Variants in ASTN2 observed in about 807,000 individuals in gnomAD.
ASTN2 encodes the protein astrotactin-2.
In ASTN2, 54 loss-of-function variants were observed where a neutral mutation model predicts 139.8. That is an observed-to-expected ratio of 0.39 (90% confidence interval 0.31 to 0.48). ASTN2 has a LOEUF of 0.48. ASTN2 is among the 20% of genes least tolerant of loss of function. The pLI is 0.95. For missense variants in ASTN2, 1,565 were observed against 1,725.1 expected, an observed-to-expected ratio of 0.91 and a Z score of 1.64; for synonymous variants, 756 against 719.5, an observed-to-expected ratio of 1.05 and a Z score of -0.81.
At chr9:116,771,331 T>A (rs564970833) in intron 13 of ASTN2, among the ~76,000 whole-genome samples, 1 of 152,180 alleles carries the variant, frequency 6.6e-6, no homozygotes, top group South Asian at 2.1e-4. Flanking sequence ...ATTTTTCAGC[T>A]GTCAGTGGAG....
chr9:117,032,729 A>G (rs7042470), intron 6 of ASTN2, among the ~76,000 whole-genome samples: 151,045 of 152,246 alleles, frequency 0.99, 74,939 homozygotes, highest in Middle Eastern at 1. Context: ...ATAAATGTAG[A>G]CAAGTGTTAT....
At chr9:117,188,184 G>GAA (rs1218397796) in intron 3 of ASTN2, among the ~76,000 whole-genome samples, 2 of 66,820 alleles carry the variant, frequency 3.0e-5, no homozygotes, top group Admixed American at 1.6e-4. Flanking sequence ...GAGAGAGAGA[G>GAA]AGAGAGAGAC....
intron 10 of ASTN2, among the ~76,000 whole-genome samples, chr9:116,971,735 G>A (rs747436764): frequency 1.3e-5 from 2 of 152,184 alleles, no homozygotes; most frequent in Non-Finnish European, 2.9e-5. Context: ...AAGCCACTAT[G>A]TTACAATAAT....
intron 19 of ASTN2, among the ~76,000 whole-genome samples, chr9:116,608,972 G>C (rs1855363392): frequency 6.6e-6 from 1 of 152,024 alleles, no homozygotes; most frequent in Admixed American, 6.6e-5. Context: ...ATGCTGGATG[G>C]GATGAACAAT....
chr9:116,839,018 C>T (rs1176603122), intron 11 of ASTN2, among the ~76,000 whole-genome samples: 2 of 152,140 alleles, frequency 1.3e-5, no homozygotes, highest in East Asian at 3.8e-4. Flanking sequence ...CCTCCAAGGA[C>T]TAGGTAAGTA....
intron 17 of ASTN2, among the ~76,000 whole-genome samples, chr9:116,642,550 C>A (rs886161741): frequency 6.6e-6 from 1 of 152,108 alleles, no homozygotes; most frequent in Non-Finnish European, 1.5e-5. Context: ...TACCCCCCAT[C>A]TAACTGACAC....
intron 13 of ASTN2, among the ~76,000 whole-genome samples, chr9:116,771,646 A>C (rs1262852158): frequency 3.3e-5 from 5 of 152,184 alleles, no homozygotes; most frequent in Non-Finnish European, 5.9e-5. Flanking sequence ...ATTATCTGAA[A>C]TTACCTACTT....
intron 7 of ASTN2, among the ~76,000 whole-genome samples, chr9:116,990,586 T>C (rs1836825055): frequency 6.6e-6 from 1 of 152,146 alleles, no homozygotes; most frequent in Non-Finnish European, 1.5e-5. Flanking sequence ...TAGAGTTCTT[T>C]AATTTTCCTT....
intron 5 of ASTN2, among the ~76,000 whole-genome samples, chr9:117,056,118 A>G (rs1053035256): frequency 5.3e-5 from 8 of 152,174 alleles, no homozygotes; most frequent in Admixed American, 3.9e-4. Flanking sequence ...GCTTGAGGTG[A>G]TTGCAGCTCT....
At chr9:116,689,824 A>C (rs1404323782) in intron 16 of ASTN2, among the ~76,000 whole-genome samples, 2 of 152,160 alleles carry the variant, frequency 1.3e-5, no homozygotes, top group Non-Finnish European at 2.9e-5. Context: ...TGAGGTTATC[A>C]GGCAGGATGA....
chr9:117,275,739 T>C (rs1360574913), intron 2 of ASTN2, among the ~76,000 whole-genome samples: 2 of 152,078 alleles, frequency 1.3e-5, no homozygotes, highest in African/African-American at 2.4e-5. Context: ...CTAATTTTTG[T>C]ATTTTTAGTA....
intron 6 of ASTN2, among the ~76,000 whole-genome samples, chr9:117,016,724 T>C (rs867486349): frequency 7.0e-6 from 1 of 142,564 alleles, no homozygotes. Context: ...TATATATATA[T>C]GTTATATATA....
At chr9:117,124,371 C>T (rs935654826) in intron 4 of ASTN2, among the ~76,000 whole-genome samples, 1 of 152,104 alleles carries the variant, frequency 6.6e-6, no homozygotes, top group African/African-American at 2.4e-5. Flanking sequence ...AGCCTTTAAA[C>T]AGTATTTGCC....
rs1829908055 is a variant in ASTN2, at chr9:117,368,573, A to G, written c.442+45924T>C. On this transcript the variant is annotated intron_variant, in intron 1 of 22. Transcript: ENST00000313400. ...GTAACAGGTGAGTTTTTCCATTATC[A>G]TTGAGTTAACACACAGGGGTGAGAG... Among the ~76,000 whole-genome samples, 4 of 152,200 alleles carry G rather than the reference A, an allele frequency of 2.6e-5. No homozygotes were observed. The South Asian group carries it at 8.3e-4, about 32-fold the overall frequency.
chr9:116,730,011 T>C (rs1406506890), intron 14 of ASTN2, among the ~76,000 whole-genome samples: 1 of 152,188 alleles, frequency 6.6e-6, no homozygotes, highest in Non-Finnish European at 1.5e-5. Flanking sequence ...CTTTGGGCGG[T>C]GGTAAATGAA....
At chr9:117,117,607 A>G (rs897653978) in intron 4 of ASTN2, among the ~76,000 whole-genome samples, 1 of 152,202 alleles carries the variant, frequency 6.6e-6, no homozygotes, top group Non-Finnish European at 1.5e-5. Flanking sequence ...GAATAAATCA[A>G]GAGGAGTTCT....
At chr9:116,948,616 C>T (rs867827387) in intron 10 of ASTN2, among the ~76,000 whole-genome samples, 15 of 151,434 alleles carry the variant, frequency 9.9e-5, no homozygotes, top group Admixed American at 9.9e-4. Flanking sequence ...ATGCTCATTG[C>T]TATTGGGTAA....
chr9:117,308,900 G>A (rs892010637), intron 1 of ASTN2, among the ~76,000 whole-genome samples: 1 of 152,140 alleles, frequency 6.6e-6, no homozygotes, highest in Non-Finnish European at 1.5e-5. Context: ...AATGCCTGTT[G>A]CATATGGCAT....
chr9:117,038,562 G>A (rs1206395684), intron 6 of ASTN2, among the ~76,000 whole-genome samples: 1 of 152,090 alleles, frequency 6.6e-6, no homozygotes, highest in Non-Finnish European at 1.5e-5. Flanking sequence ...ATGATTTCAT[G>A]GGTATTTACT....
Sources: gnomAD v4.1 joint callset for allele counts (sites outside exome capture counted in the v4.1 genomes callset) on GRCh38, gnomAD v4.1.1 for gene constraint, MANE v1.5 for transcripts, NCBI Gene and HGNC (gene_info 2026-07-23, HGNC 2026-07-21) for gene names.